MYL9: variants seen among roughly 807,000 people sequenced by gnomAD.
MYL9 encodes myosin regulatory light polypeptide 9.
Under a neutral mutation model 12.8 loss-of-function variants are expected in MYL9, and 7 were observed. That is an observed-to-expected ratio of 0.55 (90% confidence interval 0.31 to 1.03). The LOEUF is 1.03. MYL9 is among the 50% of genes least tolerant of loss of function. The pLI is 0.05. For missense variants in MYL9, 190 were observed against 242.7 expected (o/e 0.78, Z 1.44); for synonymous variants, 81 against 87.8 (o/e 0.92, Z 0.43).
At position 36,544,973 on chromosome 20, in the gene MYL9, A is replaced by AG; in HGVS notation, c.90dup (p.Ile31AspfsTer5). 6.2e-7 allele frequency: 1 copy of AG among 1,613,986 alleles called. No homozygotes were observed. Among genetic ancestry groups the AG allele is most frequent in the Non-Finnish European group, 8.5e-7 (1 of 1,180,006 alleles). ...GTCTTCGCAATGTTTGACCAGTCCC[A>AG]GATCCAGGAGTTTAAGGAGGCTTTC... is the stretch of plus-strand genomic sequence containing the variant. On this transcript the variant is annotated frameshift_variant, in exon 2 of 4. Coordinates refer to ENST00000279022, the MANE Select transcript of MYL9 (RefSeq NM_006097.5). LOFTEE classifies it high-confidence loss of function.
At chr20:36,544,541 T>C (rs1294772312) in intron 1 of MYL9, among the ~76,000 whole-genome samples, 1 of 152,146 alleles carries the variant, frequency 6.6e-6, no homozygotes, top group African/African-American at 2.4e-5. Context: ...ACCCAAACAG[T>C]CACAGCCAAA....
chr20:36,551,038 C>T lies in MYL9; in HGVS notation c.*1789C>T, dbSNP rs1401118708. ...CCTCTCAGCAGAGCCACTGCAGCAC[C>T]AAAGGCATTTCTGGAAGGAGGCAAG... On this transcript the variant is annotated 3_prime_UTR_variant, in exon 4 of 4. Coordinates refer to ENST00000279022, the MANE Select transcript of MYL9 (RefSeq NM_006097.5). The T allele has an allele frequency of 1.3e-5, 2 of 152,594 alleles. No individual in the cohort carries two copies. The highest frequency in any genetic ancestry group is 2.9e-5 in the Non-Finnish European group (2 of 68,342). 9.5% of individuals were successfully genotyped at this position (152,594 alleles called of 1,614,324 possible).
Position 36,549,116 on chromosome 20 carries a change from C to G in MYL9, c.386C>G (p.Thr129Ser). 1 of 1,613,598 alleles carries G rather than the reference C, an allele frequency of 6.2e-7. No homozygotes were observed. The highest frequency in any genetic ancestry group is 1.3e-5 in the African/African-American group (1 of 75,032). Residue 129 changes from threonine to serine, a missense_variant, in exon 4 of 4, where the codon ACC becomes AGC. Thr to Ser is a moderately conservative substitution (Grantham distance 58). Transcript: ENST00000279022. ...HEDHLRELLT[T>S]MGDRFTDEEV... is the part of the protein sequence containing the mutation. Reference sequence around the variant, plus strand: ...GACCACCTCCGGGAGCTGCTCACCACCATGGGTGACCGCTTCACAGATGAG... The same window carrying G: ...GACCACCTCCGGGAGCTGCTCACCAGCATGGGTGACCGCTTCACAGATGAG...
At position 36,544,832 on chromosome 20, in the gene MYL9, C is replaced by T. The variant is rs561434861; in HGVS notation, c.-26-27C>T. The T allele has an allele frequency of 4.1e-4, 646 of 1,561,222 alleles. 1 individual carries two copies. The highest frequency in any genetic ancestry group is 5.3e-4 in the Non-Finnish European group (612 of 1,148,734). On this transcript the variant is annotated intron_variant, in intron 1 of 3. Coordinates refer to ENST00000279022, the MANE Select transcript of MYL9 (RefSeq NM_006097.5). Reference sequence around the variant, plus strand: ...GATTCCCTGGCCCAGAGTCACAGGGCCACCCAACCCCCACCCCTTCCTGCA... The same window carrying T: ...GATTCCCTGGCCCAGAGTCACAGGGTCACCCAACCCCCACCCCTTCCTGCA...
intron 2 of MYL9, 92 bp from the exon 3 acceptor site, chr20:36,547,940 T>G: frequency 5.7e-6 from 8 of 1,410,246 alleles, no homozygotes; most frequent in Non-Finnish European, 7.6e-6. Context: ...CACGGAGCGG[T>G]GAAGGGCAGG....
chr20:36,545,360 G>A (rs923250703), intron 2 of MYL9, among the ~76,000 whole-genome samples: 3 of 151,950 alleles, frequency 2.0e-5, no homozygotes, highest in Non-Finnish European at 4.4e-5. Context: ...AGCCGAGCGT[G>A]GTGGCGGGCG....
intron 2 of MYL9, among the ~76,000 whole-genome samples, chr20:36,546,017 G>A (rs919325412): frequency 3.9e-5 from 6 of 152,220 alleles, no homozygotes; most frequent in Non-Finnish European, 5.9e-5. Flanking sequence ...GCCTAGAGGG[G>A]CGGCCAGACC....
chr20:36,542,168 C>T (rs897352055), intron 1 of MYL9, among the ~76,000 whole-genome samples: 1 of 152,070 alleles, frequency 6.6e-6, no homozygotes, highest in African/African-American at 2.4e-5. Flanking sequence ...GGAAGGTCTG[C>T]GGAGGGCCCT....
intron 2 of MYL9, among the ~76,000 whole-genome samples, chr20:36,546,910 T>A (rs1006901632): frequency 1.3e-5 from 2 of 152,198 alleles, no homozygotes; most frequent in Non-Finnish European, 2.9e-5. Context: ...TCCAGGGTTC[T>A]TATCTGGGGC....
At chr20:36,545,370 G>A (rs1248164656) in intron 2 of MYL9, among the ~76,000 whole-genome samples, 4 of 151,564 alleles carry the variant, frequency 2.6e-5, no homozygotes, top group Non-Finnish European at 4.4e-5. Flanking sequence ...GGTGGCGGGC[G>A]CCTGTAGTCC....
intron 1 of MYL9, among the ~76,000 whole-genome samples, chr20:36,544,592 G>C (rs1001743750): frequency 6.6e-5 from 10 of 152,162 alleles, no homozygotes; most frequent in Admixed American, 1.3e-4. Flanking sequence ...GGAGCTCTCG[G>C]GCACTGAGTC....
chr20:36,544,129 G>T (rs746550899), intron 1 of MYL9, among the ~76,000 whole-genome samples: 9 of 152,184 alleles, frequency 5.9e-5, no homozygotes, highest in Non-Finnish European at 7.4e-5. Context: ...AGAAGCTGGG[G>T]TTCTCAGCCC....
At chr20:36,545,746 T>G (rs370057439) in intron 2 of MYL9, among the ~76,000 whole-genome samples, 1 of 151,462 alleles carries the variant, frequency 6.6e-6, no homozygotes, top group Non-Finnish European at 1.5e-5. Context: ...CTGGCTAACA[T>G]GGTGAAACCC....
At position 36,544,735 on chromosome 20, in the gene MYL9, G is replaced by T. The variant is rs1255717073; in HGVS notation, c.-26-124G>T. On this transcript the variant is annotated intron_variant, in intron 1 of 3. Transcript: ENST00000279022. The stretch of plus-strand genomic sequence containing the variant: ...TGCTTTTGTGAAGAACTGGGTGGTG[G>T]GAGCCCCAAATCCGTGGGCAGCCTT... 3 of 707,860 alleles carry T rather than the reference G, an allele frequency of 4.2e-6. No individual in the cohort carries two copies. The East Asian group carries it at 8.2e-5, about 19-fold the overall frequency. 43.8% of individuals were successfully genotyped at this position (707,860 alleles called of 1,614,324 possible). A position where few individuals can be genotyped will look rare whatever the true frequency, so the allele number is the denominator to read the frequency against.
Position 36,549,456 on chromosome 20 carries a change from A to G in MYL9, c.*207A>G. 5.4e-6 allele frequency: 3 copies of G among 558,046 alleles called. No homozygotes were observed. Among genetic ancestry groups the G allele is most frequent in the Non-Finnish European group, 9.6e-6 (3 of 313,610 alleles). The allele number at this position is 558,046 out of a possible 1,614,324, so 34.6% of individuals were successfully genotyped here. ...CACAGTGACCCCAGAGCCCTGGGCT[A>G]TAGTCTCTGACCCCTCCAAGGAAAG... is the stretch of plus-strand genomic sequence containing the variant. On this transcript the variant is annotated 3_prime_UTR_variant, in exon 4 of 4. Transcript: ENST00000279022.
chr20:36,549,789 G>C lies in MYL9; in HGVS notation c.*540G>C, dbSNP rs1236586749. The C allele has an allele frequency of 1.3e-5, 2 of 155,470 alleles. No homozygotes were observed. The highest frequency in any genetic ancestry group is 4.8e-5 in the African/African-American group (2 of 41,480). The allele number at this position is 155,470 out of a possible 1,614,324, so 9.6% of individuals were successfully genotyped here. A position where few individuals can be genotyped will look rare whatever the true frequency, so the allele number is the denominator to read the frequency against. On this transcript the variant is annotated 3_prime_UTR_variant, in exon 4 of 4. Transcript: ENST00000279022. ...GGCAGCGTGGACATCTGTCCCAGAG[G>C]GGGCAGAATCTCCAATAGAGGACTG...
chr20:36,550,954 G>C lies in MYL9; in HGVS notation c.*1705G>C, dbSNP rs917366925. On this transcript the variant is annotated 3_prime_UTR_variant, in exon 4 of 4. Transcript: ENST00000279022. ...CTGCCAGCCCCAAGGGTGTGGGAGGGGGGTCTCAGAGTGTCCCAGGGTACT... is the reference window on the plus strand; with the variant it reads ...CTGCCAGCCCCAAGGGTGTGGGAGGCGGGTCTCAGAGTGTCCCAGGGTACT... 2 of 152,658 alleles carry C rather than the reference G, an allele frequency of 1.3e-5. No individual in the cohort carries two copies. The highest frequency in any genetic ancestry group is 3.8e-4 in the East Asian group (2 of 5,204). 9.5% of individuals were successfully genotyped at this position (152,658 alleles called of 1,614,324 possible). A position where few individuals can be genotyped will look rare whatever the true frequency, so the allele number is the denominator to read the frequency against.
At chr20:36,544,780 TAA>T in intron 1 of MYL9, 77 bp from the exon 2 acceptor site, 1 of 1,296,664 alleles carries the variant, frequency 7.7e-7, no homozygotes. Context: ...GCCGAAGTGC[TAA>T]AAGCCAGTCT....
At chr20:36,548,632 A>G (rs567968761) in intron 3 of MYL9, among the ~76,000 whole-genome samples, 33 of 152,266 alleles carry the variant, frequency 2.2e-4, no homozygotes, top group Admixed American at 1.3e-3. Flanking sequence ...CCTCACTGCA[A>G]TGGCATACGT....
Sources: gnomAD v4.1 joint callset for allele counts (sites outside exome capture counted in the v4.1 genomes callset) on GRCh38, gnomAD v4.1.1 for gene constraint, MANE v1.5 for transcripts, NCBI Gene and HGNC (gene_info 2026-07-23, HGNC 2026-07-21) for gene names.